The following RNASEH2B variants were observed in gnomAD, a reference collection of about 807,000 sequenced individuals.
The protein encoded by RNASEH2B is ribonuclease H2 subunit B, also known as Aicardi-Goutieres syndrome 2 protein.
Under a neutral mutation model 45.0 loss-of-function variants are expected in RNASEH2B, and 36 were observed. The observed-to-expected ratio is 0.80, with a 90% CI of 0.61 to 1.06. The LOEUF (loss-of-function observed/expected upper bound fraction) is 1.06. RNASEH2B is among the 50% of genes least tolerant of loss of function. The pLI is 0.00. For missense variants in RNASEH2B, 361 were observed against 360.3 expected (o/e 1.00, Z -0.02); for synonymous variants, 119 against 125.7 (o/e 0.95, Z 0.35).
chr13:50,961,359 G>GCTTCTTC (rs1566093163), downstream of RNASEH2B, among the ~76,000 whole-genome samples: 1 of 151,934 alleles, frequency 6.6e-6, no homozygotes, highest in Admixed American at 6.6e-5. Context: ...CCTTTTCCTT[G>GCTTCTTC]CTTCTTCCCT....
downstream of RNASEH2B, among the ~76,000 whole-genome samples, chr13:50,959,196 A>C (rs1218868446): frequency 6.6e-6 from 1 of 152,110 alleles, no homozygotes; most frequent in Non-Finnish European, 1.5e-5. Context: ...TTTCTTATTG[A>C]CTAAAAGTAT....
At position 50,931,618 on chromosome 13, in the gene RNASEH2B, T is replaced by C. The variant is rs546750279; in HGVS notation, c.321+859T>C. Among the ~76,000 whole-genome samples, 5 of 152,304 alleles carry C rather than the reference T, an allele frequency of 3.3e-5. 1 individual carries two copies. The South Asian group carries it at 1.0e-3, about 32-fold the overall frequency. ...ATTCAGTCTGTTTCCATATGTTATT[T>C]TGGTAGGATTATATGAAAAATATGC... is the stretch of plus-strand genomic sequence containing the variant. On this transcript the variant is annotated intron_variant, in intron 4 of 10. Transcript: ENST00000336617.
intron 4 of RNASEH2B, 46 bp downstream of exon 4, chr13:50,930,805 C>T: frequency 7.0e-7 from 1 of 1,426,930 alleles, no homozygotes; most frequent in Non-Finnish European, 9.9e-7. Context: ...ACAGAATCAA[C>T]TATTTTTGTT....
At chr13:50,916,347 G>A (rs1304484307) in intron 1 of RNASEH2B, among the ~76,000 whole-genome samples, 1 of 152,074 alleles carries the variant, frequency 6.6e-6, no homozygotes, top group Non-Finnish European at 1.5e-5. Flanking sequence ...ACATAAAATT[G>A]GAGAAAGTTC....
At position 50,939,638 on chromosome 13, in the gene RNASEH2B, AT is replaced by A. The variant is rs991487177; in HGVS notation, c.437-3673del. On this transcript the variant is annotated intron_variant, in intron 5 of 10. Coordinates refer to ENST00000336617, the MANE Select transcript of RNASEH2B (RefSeq NM_024570.4). ...AAACCCACACTTATATGGTCAATTG[AT>A]TTTTTTTTTCCAAAAGTGTGAAGAT... 1.6e-3 allele frequency among the ~76,000 whole-genome samples: 237 copies of A among 150,948 alleles called. 1 individual carries two copies. Among genetic ancestry groups the A allele is most frequent in the Middle Eastern group, 6.8e-3 (2 of 294 alleles).
At chr13:50,941,809 G>A (rs1274736050) in intron 5 of RNASEH2B, 2 of 152,328 alleles carry the variant, frequency 1.3e-5, no homozygotes, top group Middle Eastern at 6.8e-3. Context: ...TGACACTCCT[G>A]ACAATGCTTT....
At chr13:50,921,223 AC>A (rs1238541995) in intron 1 of RNASEH2B, 2 of 152,228 alleles carry the variant, frequency 1.3e-5, no homozygotes, top group African/African-American at 4.8e-5. Context: ...GCACAGAGTC[AC>A]ACTGCTGAGT....
chr13:50,920,670 CTT>C (rs1308012695), intron 1 of RNASEH2B, among the ~76,000 whole-genome samples: 1 of 152,176 alleles, frequency 6.6e-6, no homozygotes, highest in Non-Finnish European at 1.5e-5. Flanking sequence ...TATAGCTACT[CTT>C]TTAAAAATAG....
In RNASEH2B at chr13:50,950,708, T is replaced by C. The variant is rs907430320; in HGVS notation, c.741+1203T>C. On this transcript the variant is annotated intron_variant, in intron 9 of 10. Coordinates refer to ENST00000336617, the MANE Select transcript of RNASEH2B (RefSeq NM_024570.4). ...TTTTTCTCCCAAATATCTATCTTCC[T>C]TAGTAACTTAGAGATCATTCATGAA... 5 of 152,224 alleles carry C rather than the reference T, an allele frequency of 3.3e-5. No individual in the cohort carries two copies. The East Asian group carries it at 9.6e-4, about 29-fold the overall frequency. 9.4% of individuals were successfully genotyped at this position (152,224 alleles called of 1,614,324 possible). A position where few individuals can be genotyped will look rare whatever the true frequency, so the allele number is the denominator to read the frequency against.
At chr13:50,967,029 G>A (rs1593487989) in intron 9 of RNASEH2B, among the ~76,000 whole-genome samples, 1 of 152,224 alleles carries the variant, frequency 6.6e-6, no homozygotes, top group African/African-American at 2.4e-5. Context: ...GAGCCATGGA[G>A]GAAGTCATTG....
intron 9 of RNASEH2B, among the ~76,000 whole-genome samples, chr13:50,965,323 C>G (rs1952154748): frequency 6.6e-6 from 1 of 152,180 alleles, no homozygotes; most frequent in African/African-American, 2.4e-5. Context: ...GCAGACTACA[C>G]CATAGGTCTG....
intron 5 of RNASEH2B, chr13:50,942,766 T>C (rs1457312906): frequency 6.6e-6 from 1 of 152,586 alleles, no homozygotes; most frequent in Non-Finnish European, 1.5e-5. Context: ...GGGTACAGTT[T>C]GCTTTTATGT....
chr13:50,911,942 A>G (rs1275204602), intron 1 of RNASEH2B: 1 of 152,210 alleles, frequency 6.6e-6, no homozygotes. Context: ...GTGTCCTTGT[A>G]TTAAACACAA....
At chr13:50,954,837 G>T (rs1222553798) in intron 10 of RNASEH2B, 1 of 152,118 alleles carries the variant, frequency 6.6e-6, no homozygotes, top group African/African-American at 2.4e-5. Flanking sequence ...TTGCATTTTT[G>T]ACGACATTGA....
intron 7 of RNASEH2B, among the ~76,000 whole-genome samples, chr13:50,946,232 G>A (rs1430058943): frequency 2.0e-5 from 3 of 152,152 alleles, no homozygotes; most frequent in African/African-American, 7.2e-5. Flanking sequence ...GCTATATAAT[G>A]CAGTTAACAA....
intron 9 of RNASEH2B, chr13:50,950,094 C>T (rs1951957328): frequency 6.5e-6 from 1 of 152,808 alleles, no homozygotes; most frequent in Non-Finnish European, 1.5e-5. Context: ...AGAAGCCAAT[C>T]ATAAACCACA....
At chr13:50,920,170 A>T (rs1209850122) in intron 1 of RNASEH2B, among the ~76,000 whole-genome samples, 6 of 152,174 alleles carry the variant, frequency 3.9e-5, no homozygotes, top group Non-Finnish European at 8.8e-5. Context: ...TCAGCCTCCC[A>T]AGTAGCTGGG....
intron 9 of RNASEH2B, chr13:50,950,710 A>G (rs1209124502): frequency 1.3e-5 from 2 of 152,210 alleles, no homozygotes; most frequent in Non-Finnish European, 2.9e-5. Flanking sequence ...TATCTTCCTT[A>G]GTAACTTAGA....
At chr13:50,953,738 A>G in intron 9 of RNASEH2B, 167 bp from the exon 10 acceptor site, 1 of 625,546 alleles carries the variant, frequency 1.6e-6, no homozygotes, top group Non-Finnish European at 2.8e-6. Flanking sequence ...AATTCCCTAG[A>G]TGATTGGCAA....
Sources: allele counts gnomAD v4.1 joint callset (sites outside exome capture counted in the v4.1 genomes callset), GRCh38; gene constraint gnomAD v4.1.1; transcripts MANE v1.5; gene names NCBI Gene and HGNC (gene_info 2026-07-23, HGNC 2026-07-21).